Variants in RAPGEF5 observed in about 807,000 individuals in gnomAD.
The protein encoded by RAPGEF5 is M-Ras-regulated GEF.
In RAPGEF5, 65 loss-of-function variants were observed where a neutral mutation model predicts 125.2. The ratio of observed to expected loss-of-function variants is 0.52; its 90% CI spans 0.43 to 0.64. RAPGEF5 has a LOEUF of 0.64. Among genes scored for constraint, RAPGEF5 ranks in the 30% least tolerant of loss-of-function variants. The pLI is 0.00. For missense variants in RAPGEF5, 958 were observed against 1,048.1 expected (o/e 0.91, Z 1.19); for synonymous variants, 391 against 385.9 (o/e 1.01, Z -0.16).
chr7:22,168,968 T>G (rs376416946), intron 11 of RAPGEF5, among the ~76,000 whole-genome samples: 2 of 152,340 alleles, frequency 1.3e-5, no homozygotes, highest in East Asian at 3.9e-4. Flanking sequence ...ACAAATTTTC[T>G]TATTTGATTT....
At chr7:22,333,450 A>G (rs565836298) in intron 1 of RAPGEF5, among the ~76,000 whole-genome samples, 2 of 152,330 alleles carry the variant, frequency 1.3e-5, no homozygotes, top group South Asian at 4.1e-4. Flanking sequence ...ATCTTACCTG[A>G]AGGGAAAGAT....
intron 12 of RAPGEF5, among the ~76,000 whole-genome samples, chr7:22,165,078 A>C (rs1023850915): frequency 1.3e-5 from 2 of 152,162 alleles, no homozygotes; most frequent in Admixed American, 6.5e-5. Context: ...GCAGAGTGCA[A>C]ATATACAGAA....
chr7:22,204,360 GA>G (rs1785349908), intron 9 of RAPGEF5, among the ~76,000 whole-genome samples: 1 of 152,204 alleles, frequency 6.6e-6, no homozygotes, highest in Non-Finnish European at 1.5e-5. Flanking sequence ...CTAAAAAATT[GA>G]AAGGCTTCAA....
intron 7 of RAPGEF5, among the ~76,000 whole-genome samples, chr7:22,263,111 T>C (rs181164282): frequency 5.4e-4 from 82 of 152,270 alleles, no homozygotes; most frequent in Non-Finnish European, 1.0e-3. Context: ...ATTTTTGAAA[T>C]GACAGAAATA....
intron 1 of RAPGEF5, among the ~76,000 whole-genome samples, chr7:22,339,730 G>A (rs1784091231): frequency 6.6e-6 from 1 of 152,204 alleles, no homozygotes; most frequent in African/African-American, 2.4e-5. Flanking sequence ...TGTTTAAATA[G>A]AAGCTTCTAC....
At chr7:22,174,605 G>A (rs1051922944) in intron 11 of RAPGEF5, among the ~76,000 whole-genome samples, 5 of 152,216 alleles carry the variant, frequency 3.3e-5, no homozygotes, top group African/African-American at 4.8e-5. Context: ...AGTAATAGAA[G>A]AGATCACATA....
At position 22,119,048 on chromosome 7, in the gene RAPGEF5, T is replaced by G. The variant is rs1782494995; in HGVS notation, c.*3358A>C. On this transcript the variant is annotated 3_prime_UTR_variant, in exon 26 of 26. Coordinates refer to ENST00000665637, the MANE Select transcript of RAPGEF5 (RefSeq NM_012294.5). The surrounding 1 kb of genome is among the most constrained non-coding windows in gnomAD (Gnocchi z 4.1). The stretch of plus-strand genomic sequence containing the variant: ...TCCCCATTTTAATGTTTTTGCCCAG[T>G]TTCTGAAAAGCCTGGATTGGCTGCG... The G allele has an allele frequency of 6.6e-6, 1 of 152,204 alleles. No individual in the cohort carries two copies. Among genetic ancestry groups the G allele is most frequent in the Non-Finnish European group, 1.5e-5 (1 of 68,040 alleles). The allele number at this position is 152,204 out of a possible 1,614,324, so 9.4% of individuals were successfully genotyped here.
intron 24 of RAPGEF5, among the ~76,000 whole-genome samples, chr7:22,129,688 C>T (rs1782854760): frequency 6.6e-6 from 1 of 151,922 alleles, no homozygotes; most frequent in Admixed American, 6.5e-5. Context: ...TAACTGAGCT[C>T]TGATTCCAAA....
At chr7:22,310,909 G>A (rs1281656224) in intron 3 of RAPGEF5, among the ~76,000 whole-genome samples, 3 of 152,068 alleles carry the variant, frequency 2.0e-5, no homozygotes, top group Non-Finnish European at 4.4e-5. Context: ...GTATCATCAT[G>A]CCTACTTTTC....
At chr7:22,193,615 T>C (rs1785069571) in intron 10 of RAPGEF5, 160 bp from the exon 11 acceptor site, 1 of 1,550,872 alleles carries the variant, frequency 6.4e-7, no homozygotes, top group Non-Finnish European at 8.7e-7. Context: ...GGCGGAATCT[T>C]TCCTCTCCAA....
intron 2 of RAPGEF5, among the ~76,000 whole-genome samples, chr7:22,316,477 A>G (rs1783595925): frequency 1.7e-5 from 1 of 59,084 alleles, no homozygotes; most frequent in African/African-American, 7.8e-5. Context: ...ATATATATAT[A>G]TATATATATA....
At chr7:22,180,681 T>A (rs1784646826) in intron 11 of RAPGEF5, among the ~76,000 whole-genome samples, 1 of 152,194 alleles carries the variant, frequency 6.6e-6, no homozygotes, top group Non-Finnish European at 1.5e-5. Context: ...CACTGAAAAT[T>A]TCCAGAAGCT....
intron 1 of RAPGEF5, among the ~76,000 whole-genome samples, chr7:22,343,955 A>G (rs1425418381): frequency 6.6e-6 from 1 of 152,068 alleles, no homozygotes; most frequent in East Asian, 1.9e-4. Context: ...GCAGAGAAGG[A>G]ATGCCAATTC....
At position 22,267,001 on chromosome 7, in the gene RAPGEF5, C is replaced by G; in HGVS notation, c.759G>C (p.Glu253Asp). ...LVRLTSAVQR[E>D]LAAVIALKAR... ...CTTTCAAAGCAATAACAGCTGCTAG[C>G]TCTCTCTGCACCTAATAAAATATTA... is the stretch of plus-strand genomic sequence containing the variant. The change falls in exon 7 of 26, where the codon GAG (glutamate) becomes GAC (aspartate). Residue 253 changes from glutamate to aspartate, a missense_variant. Glu to Asp is a conservative substitution (Grantham distance 45, BLOSUM62 2). Transcript: ENST00000665637. The G allele has an allele frequency of 1.2e-6, 2 of 1,610,130 alleles. No individual in the cohort carries two copies. Among genetic ancestry groups the G allele is most frequent in the East Asian group, 2.2e-5 (1 of 44,772 alleles).
intron 7 of RAPGEF5, among the ~76,000 whole-genome samples, chr7:22,257,151 A>G (rs1786782219): frequency 2.6e-5 from 4 of 152,256 alleles, no homozygotes; most frequent in African/African-American, 9.6e-5. Flanking sequence ...TAACAGTTTT[A>G]CTACAAGACA....
intron 17 of RAPGEF5, among the ~76,000 whole-genome samples, chr7:22,152,482 A>G (rs368733658): frequency 3.9e-5 from 6 of 152,320 alleles, no homozygotes. Flanking sequence ...CAGGTTTGTC[A>G]CTATAATATG....
Position 22,118,964 on chromosome 7 carries a change from CAT to C in RAPGEF5, c.*3440_*3441del, listed in dbSNP as rs1184795510. 8.1e-6 allele frequency: 1 copy of C among 123,406 alleles called. No homozygotes were observed. The highest frequency in any genetic ancestry group is 1.6e-5 in the Non-Finnish European group (1 of 63,564). The allele number at this position is 123,406 out of a possible 1,614,324, so 7.6% of individuals were successfully genotyped here. A position where few individuals can be genotyped will look rare whatever the true frequency, so the allele number is the denominator to read the frequency against. On this transcript the variant is annotated 3_prime_UTR_variant, in exon 26 of 26. Coordinates refer to ENST00000665637, the MANE Select transcript of RAPGEF5 (RefSeq NM_012294.5). The stretch of plus-strand genomic sequence containing the variant: ...AAGAAGCAGGCTGAAATTTTAAGGA[CAT>C]GTTTTTGAAACATTTAAAAGAAATC...
chr7:22,121,435 C>G lies in RAPGEF5; in HGVS notation c.*971G>C, dbSNP rs1782580303. On this transcript the variant is annotated 3_prime_UTR_variant, in exon 26 of 26. Coordinates refer to ENST00000665637, the MANE Select transcript of RAPGEF5 (RefSeq NM_012294.5). The stretch of plus-strand genomic sequence containing the variant: ...TTAAATGTCACTTAACCTCCCTGCA[C>G]TGGCTGCTGTCATTCCATAGTGTGG... 6.6e-6 allele frequency: 1 copy of G among 152,198 alleles called. No homozygotes were observed. Among genetic ancestry groups the G allele is most frequent in the Non-Finnish European group, 1.5e-5 (1 of 68,046 alleles). 9.4% of individuals were successfully genotyped at this position (152,198 alleles called of 1,614,324 possible). A position where few individuals can be genotyped will look rare whatever the true frequency, so the allele number is the denominator to read the frequency against.
chr7:22,317,341 C>A (rs534222939), intron 2 of RAPGEF5, among the ~76,000 whole-genome samples: 3 of 151,080 alleles, frequency 2.0e-5, no homozygotes, highest in African/African-American at 7.3e-5. Flanking sequence ...CCTGGGTTCA[C>A]GCCATTCTCC....
Sources: gnomAD v4.1 joint callset for allele counts (sites outside exome capture counted in the v4.1 genomes callset) on GRCh38, gnomAD v4.1.1 for gene constraint, Gnocchi (gnomAD v3.1) non-coding constraint, MANE v1.5 for transcripts, NCBI Gene and HGNC (gene_info 2026-07-23, HGNC 2026-07-21) for gene names.